The following SLC25A48 variants were observed in gnomAD, a reference collection of about 807,000 sequenced individuals.
SLC25A48 encodes CTC-321K16.1.
SLC25A48 carries 29 observed loss-of-function variants against 32.2 expected under a neutral mutation model. That is an observed-to-expected ratio of 0.90 (90% CI 0.67 to 1.23). The LOEUF (loss-of-function observed/expected upper bound fraction) is 1.23, where lower values mean the gene tolerates loss of function less well. SLC25A48 is among the 50% of genes most tolerant of loss of function. SLC25A48 has a pLI of 0.00. For missense variants in SLC25A48, 399 were observed against 422.7 expected (o/e 0.94, Z 0.49); for synonymous variants, 164 against 172.3 (o/e 0.95, Z 0.38).
chr5:135,862,914 G>A (rs1237862199), intron 4 of SLC25A48, among the ~76,000 whole-genome samples: 2 of 152,176 alleles, frequency 1.3e-5, no homozygotes, highest in Admixed American at 6.5e-5. Context: ...TATTCAGCAG[G>A]CAGTGAAGCA....
At chr5:135,725,992 C>G (rs1755079877) in intron 3 of SLC25A48, among the ~76,000 whole-genome samples, 1 of 152,220 alleles carries the variant, frequency 6.6e-6, no homozygotes, top group Non-Finnish European at 1.5e-5. Context: ...CAAGCTGCGC[C>G]TACTTATTGG....
At chr5:135,680,475 T>C (rs761614663) in intron 3 of SLC25A48, among the ~76,000 whole-genome samples, 22 of 152,188 alleles carry the variant, frequency 1.4e-4, no homozygotes, top group Non-Finnish European at 2.8e-4. Flanking sequence ...TTAGTCTGTT[T>C]TCATACTGCT....
chr5:135,728,229 G>A (rs1424307329), intron 3 of SLC25A48, among the ~76,000 whole-genome samples: 1 of 148,196 alleles, frequency 6.7e-6, no homozygotes, highest in Non-Finnish European at 1.5e-5. Flanking sequence ...GCACTCCAGC[G>A]TGGGTGACAG....
At chr5:135,713,182 T>C (rs1037389676) in intron 3 of SLC25A48, among the ~76,000 whole-genome samples, 1 of 152,200 alleles carries the variant, frequency 6.6e-6, no homozygotes, top group Non-Finnish European at 1.5e-5. Context: ...ACCTTCTGAA[T>C]TGCAACCTGC....
intron 3 of SLC25A48, among the ~76,000 whole-genome samples, chr5:135,736,935 C>T (rs1359564797): frequency 6.6e-6 from 1 of 152,096 alleles, no homozygotes; most frequent in South Asian, 2.1e-4. Context: ...AAAAAGAGGC[C>T]GCTTACCCGA....
chr5:135,658,247 A>G (rs1359301733), intron 3 of SLC25A48, among the ~76,000 whole-genome samples: 1 of 152,240 alleles, frequency 6.6e-6, no homozygotes, highest in Non-Finnish European at 1.5e-5. Context: ...CTCCCATTCC[A>G]AAAGGGAGAA....
intron 2 of SLC25A48, among the ~76,000 whole-genome samples, chr5:135,633,483 G>A (rs1431669111): frequency 6.6e-6 from 1 of 151,934 alleles, no homozygotes; most frequent in Non-Finnish European, 1.5e-5. Flanking sequence ...TGCCAGGAAA[G>A]GCCATGTGAG....
chr5:135,793,501 G>A (rs552849278), intron 3 of SLC25A48, among the ~76,000 whole-genome samples: 3 of 151,858 alleles, frequency 2.0e-5, no homozygotes, highest in East Asian at 3.9e-4. Flanking sequence ...CGCAGTAGGT[G>A]TTCACCATGT....
intron 1 of SLC25A48, among the ~76,000 whole-genome samples, chr5:135,587,987 G>A (rs945361256): frequency 3.9e-5 from 6 of 152,220 alleles, no homozygotes; most frequent in Non-Finnish European, 7.3e-5. Flanking sequence ...TCTGAGAACG[G>A]GCCCCTGTGT....
intron 1 of SLC25A48, among the ~76,000 whole-genome samples, chr5:135,841,703 G>A (rs1759004774): frequency 6.7e-6 from 1 of 150,226 alleles, no homozygotes; most frequent in Non-Finnish European, 1.5e-5. Flanking sequence ...ACTAGGAGAT[G>A]TGTGGGTGGG....
chr5:135,879,312 A>G (rs1242707103), intron 6 of SLC25A48, among the ~76,000 whole-genome samples: 2 of 152,154 alleles, frequency 1.3e-5, no homozygotes, highest in African/African-American at 4.8e-5. Context: ...AAGTGCCTGA[A>G]AAGCCTCATC....
intron 3 of SLC25A48, among the ~76,000 whole-genome samples, chr5:135,757,464 C>T (rs1755943949): frequency 6.7e-6 from 1 of 148,854 alleles, no homozygotes; most frequent in South Asian, 2.2e-4. Flanking sequence ...AGTGTTAACA[C>T]ACAATAATAT....
In SLC25A48 at chr5:135,712,577, T is replaced by G. The variant is rs143116087; in HGVS notation, c.-521+77621T>G. Among the ~76,000 whole-genome samples, 439 of 152,338 alleles carry G rather than the reference T, an allele frequency of 2.9e-3. 1 individual carries two copies. Among genetic ancestry groups the G allele is most frequent in the Non-Finnish European group, 5.1e-3 (346 of 68,022 alleles). ...GTTCACTGCCTTAGGCTCCAAGAGT[T>G]GATACCTCATCATGAGGATACTTCT... On this transcript the variant is annotated intron_variant, in intron 3 of 10. Coordinates refer to the SLC25A48 transcript ENST00000646290.
intron 3 of SLC25A48, among the ~76,000 whole-genome samples, chr5:135,762,363 A>G (rs1756082219): frequency 6.6e-6 from 1 of 152,204 alleles, no homozygotes; most frequent in Admixed American, 6.5e-5. Context: ...TCGTGCTGGA[A>G]GGACTGAGGA....
At chr5:135,713,593 A>G (rs1754721322) in intron 3 of SLC25A48, among the ~76,000 whole-genome samples, 1 of 152,202 alleles carries the variant, frequency 6.6e-6, no homozygotes, top group Non-Finnish European at 1.5e-5. Flanking sequence ...TATAGCTTAT[A>G]AGTAGCAGTA....
intron 3 of SLC25A48, among the ~76,000 whole-genome samples, chr5:135,809,462 A>G (rs1175687874): frequency 6.6e-6 from 1 of 152,134 alleles, no homozygotes; most frequent in Non-Finnish European, 1.5e-5. Context: ...GAGGCTCAAG[A>G]TCCTCCCTCT....
intron 3 of SLC25A48, among the ~76,000 whole-genome samples, chr5:135,686,765 GGATA>G (rs975524512): frequency 1.8e-4 from 28 of 152,296 alleles, no homozygotes; most frequent in African/African-American, 6.3e-4. Flanking sequence ...GGGAAGGGAT[GGATA>G]GATAGAGGGA....
At chr5:135,728,831 C>CATAA (rs1250579523) in intron 3 of SLC25A48, among the ~76,000 whole-genome samples, 23 of 147,070 alleles carry the variant, frequency 1.6e-4, no homozygotes, top group African/African-American at 5.7e-4. Flanking sequence ...CCCCTGAACA[C>CATAA]ATACACAAAT....
chr5:135,757,370 A>G (rs1755939794), intron 3 of SLC25A48, among the ~76,000 whole-genome samples: 1 of 149,656 alleles, frequency 6.7e-6, no homozygotes, highest in Non-Finnish European at 1.5e-5. Context: ...ATATTAATAA[A>G]ATATCATCTA....
Sources: allele counts gnomAD v4.1 joint callset (sites outside exome capture counted in the v4.1 genomes callset), GRCh38; gene constraint gnomAD v4.1.1; transcripts MANE v1.5; gene names NCBI Gene and HGNC (gene_info 2026-07-23, HGNC 2026-07-21).